Variants in HMG20A observed in about 807,000 individuals in gnomAD.
The protein encoded by HMG20A is high mobility group protein 20A.
HMG20A carries 17 observed loss-of-function variants against 43.9 expected under a neutral mutation model. The observed-to-expected ratio is 0.39, with a 90% CI of 0.27 to 0.58. The LOEUF is 0.58. HMG20A is among the 20% of genes least tolerant of loss of function. The pLI is 0.59. For missense variants in HMG20A, 341 were observed against 438.2 expected (o/e 0.78, Z 1.98); for synonymous variants, 132 against 147.5 (o/e 0.89, Z 0.76).
the HMG20A span, among the ~76,000 whole-genome samples, chr15:77,517,927 C>T: frequency 6.6e-6 from 1 of 152,100 alleles, no homozygotes; most frequent in African/African-American, 2.4e-5. Context: ...GGGGAGAATG[C>T]CTTCCTAATA....
chr15:77,443,379 GATTATTATT>G (rs58715798), intron 1 of HMG20A, among the ~76,000 whole-genome samples: 42 of 131,318 alleles, frequency 3.2e-4, no homozygotes, highest in African/African-American at 1.1e-3. Context: ...TGATGATGAT[GATTATTATT>G]ATTATTATTA....
intron 1 of HMG20A, among the ~76,000 whole-genome samples, chr15:77,429,195 T>C (rs1375588796): frequency 1.3e-5 from 2 of 151,842 alleles, no homozygotes; most frequent in Non-Finnish European, 2.9e-5. Context: ...AAAATAATAA[T>C]AATTTAATAT....
intron 1 of HMG20A, among the ~76,000 whole-genome samples, chr15:77,436,469 T>TC (rs1473355769): frequency 6.7e-6 from 1 of 150,130 alleles, no homozygotes; most frequent in Non-Finnish European, 1.5e-5. Context: ...TTTTTTTCCC[T>TC]CCCCCAAGAT....
chr15:77,472,736 T>C (rs1036082721), intron 6 of HMG20A, among the ~76,000 whole-genome samples: 1 of 152,262 alleles, frequency 6.6e-6, no homozygotes, highest in Non-Finnish European at 1.5e-5. Flanking sequence ...TTTCAAATTC[T>C]GTTTTCTCCT....
chr15:77,518,657 C>T, the HMG20A span, among the ~76,000 whole-genome samples: 12,168 of 152,232 alleles, frequency 0.08, 614 homozygotes, highest in Non-Finnish European at 0.11. Context: ...GACACTCAGG[C>T]GGAGCCTTGC....
At chr15:77,454,366 A>T (rs1232830575) in intron 1 of HMG20A, among the ~76,000 whole-genome samples, 1 of 152,136 alleles carries the variant, frequency 6.6e-6, no homozygotes. Flanking sequence ...AAAGGGGTGA[A>T]CTTTATGGTA....
chr15:77,517,287 C>A, the HMG20A span, among the ~76,000 whole-genome samples: 1 of 152,154 alleles, frequency 6.6e-6, no homozygotes, highest in South Asian at 2.1e-4. Flanking sequence ...CACTGAGGAT[C>A]TCGTGGTCTA....
chr15:77,486,869 C>G (rs1388688192), downstream of HMG20A, among the ~76,000 whole-genome samples: 1 of 152,200 alleles, frequency 6.6e-6, no homozygotes, highest in East Asian at 1.9e-4. Flanking sequence ...CAGTAACTAT[C>G]AGGGTATCTC....
At chr15:77,509,891 G>T in the HMG20A span, among the ~76,000 whole-genome samples, 1 of 141,622 alleles carries the variant, frequency 7.1e-6, no homozygotes, top group Non-Finnish European at 1.6e-5. Context: ...TGGCGACAGA[G>T]CAAGACTCCG....
At chr15:77,439,401 C>G (rs2073586334) in intron 1 of HMG20A, among the ~76,000 whole-genome samples, 1 of 152,148 alleles carries the variant, frequency 6.6e-6, no homozygotes, top group South Asian at 2.1e-4. Context: ...ATTACCTTCT[C>G]TCTCCCCACG....
chr15:77,447,902 G>A (rs529971016), intron 1 of HMG20A: 5 of 152,222 alleles, frequency 3.3e-5, no homozygotes, highest in East Asian at 1.9e-4. Flanking sequence ...AAAAAACCCC[G>A]CTATATTTAG....
Position 77,470,986 on chromosome 15 carries a change from A to G in HMG20A, c.527A>G (p.Tyr176Cys). The G allele has an allele frequency of 6.2e-7, 1 of 1,613,640 alleles. No homozygotes were observed. The highest frequency in any genetic ancestry group is 8.5e-7 in the Non-Finnish European group (1 of 1,179,794). ...ELEQYQKTEA[Y>C]KVFSRKTQDR... ...GAACAGTATCAGAAAACAGAGGCCT[A>G]CAAGGTCTTCAGTAGGAAAACCCAG... The change falls in exon 5 of 10, where the codon TAC becomes TGC. Residue 176 changes from tyrosine (Y) to cysteine (C), a missense_variant. Tyr to Cys is a radical substitution (Grantham distance 194). Transcript: ENST00000336216.
intron 1 of HMG20A, among the ~76,000 whole-genome samples, chr15:77,454,709 G>A (rs1194757233): frequency 6.6e-6 from 1 of 152,082 alleles, no homozygotes; most frequent in Admixed American, 6.6e-5. Flanking sequence ...ATTGAGTATT[G>A]GCAAAAGAAC....
the HMG20A span, among the ~76,000 whole-genome samples, chr15:77,507,252 G>T: frequency 6.6e-6 from 1 of 152,096 alleles, no homozygotes; most frequent in Non-Finnish European, 1.5e-5. Flanking sequence ...GCATCATGTT[G>T]GTTCTGTTTC....
At chr15:77,471,374 T>G (rs560708651) in intron 5 of HMG20A, among the ~76,000 whole-genome samples, 1 of 152,308 alleles carries the variant, frequency 6.6e-6, no homozygotes, top group African/African-American at 2.4e-5. Flanking sequence ...TAACTTCCCT[T>G]TAACACTTCT....
intron 1 of HMG20A, among the ~76,000 whole-genome samples, chr15:77,450,009 A>G (rs1167425182): frequency 6.6e-6 from 1 of 152,200 alleles, no homozygotes; most frequent in Non-Finnish European, 1.5e-5. Context: ...TTGCTTATCC[A>G]GGATGTCAGA....
intron 9 of HMG20A, among the ~76,000 whole-genome samples, chr15:77,479,793 A>G (rs1400115560): frequency 6.6e-6 from 1 of 152,182 alleles, no homozygotes; most frequent in Non-Finnish European, 1.5e-5. Context: ...AACAAAATAA[A>G]TATAACTTAA....
intron 6 of HMG20A, among the ~76,000 whole-genome samples, chr15:77,473,846 A>G (rs999708814): frequency 1.3e-5 from 2 of 152,246 alleles, no homozygotes; most frequent in African/African-American, 4.8e-5. Flanking sequence ...AAGGTTATAC[A>G]GTAGGTTCTG....
At chr15:77,449,149 C>T (rs2073707806) in intron 1 of HMG20A, among the ~76,000 whole-genome samples, 1 of 151,858 alleles carries the variant, frequency 6.6e-6, no homozygotes, top group Non-Finnish European at 1.5e-5. Flanking sequence ...TCCACCCCCA[C>T]CCCAGTGCCC....
Sources: allele counts gnomAD v4.1 joint callset (sites outside exome capture counted in the v4.1 genomes callset), GRCh38; gene constraint gnomAD v4.1.1; transcripts MANE v1.5; gene names NCBI Gene and HGNC (gene_info 2026-07-23, HGNC 2026-07-21).